IK: variants seen among roughly 807,000 people sequenced by gnomAD.
The protein encoded by IK is IK cytokine.
Under a neutral mutation model 90.9 loss-of-function variants are expected in IK, and 47 were observed. The ratio of observed to expected loss-of-function variants is 0.52; its 90% CI spans 0.41 to 0.66. The LOEUF (loss-of-function observed/expected upper bound fraction) is 0.66. Among genes scored for constraint, IK ranks in the 30% least tolerant of loss-of-function variants. IK has a pLI of 0.00. For synonymous variants in IK, 201 were observed against 227.5 expected, an observed-to-expected ratio of 0.88 and a Z score of 1.05; for missense variants, 385 against 709.3, an observed-to-expected ratio of 0.54 and a Z score of 5.19.
chr5:140,654,520 G>A lies in IK; in HGVS notation c.524G>A (p.Arg175Gln), dbSNP rs1377790128. Residue 175 changes from arginine to glutamine, a missense_variant, in exon 7 of 20, where the codon CGA (arginine) becomes CAA (glutamine). Around this residue, in one of 8 missense-constraint regions of IK, gnomAD observed 9 missense variants for 61.8 expected, o/e 0.15. Transcript: ENST00000417647. The part of the protein sequence containing the change: ...GLDFALLQKV[R>Q]AEIASKEKEE... ...CCCTGCTTGCTTTCCTGTTAGGTACGAGCTGAGATTGCCAGCAAAGAGAAA... is the reference window on the plus strand; with the variant it reads ...CCCTGCTTGCTTTCCTGTTAGGTACAAGCTGAGATTGCCAGCAAAGAGAAA... The A allele has an allele frequency of 2.5e-6, 4 of 1,585,608 alleles. No homozygotes were observed. Among genetic ancestry groups the A allele is most frequent in the Non-Finnish European group, 2.6e-6 (3 of 1,165,418 alleles).
chr5:140,651,787 T>C lies in IK; in HGVS notation c.157T>C (p.Ser53Pro). The change falls in exon 3 of 20, where the codon TCT (serine) becomes CCT (proline). Residue 53 changes from serine (S) to proline (P), a missense_variant. Coordinates refer to ENST00000417647, the MANE Select transcript of IK (RefSeq NM_006083.4). ...PRAAPTSAPPSKSRHHEMPRE... is the reference protein window; with the variant it reads ...PRAAPTSAPPPKSRHHEMPRE... The stretch of plus-strand genomic sequence containing the variant: ...GGCTGCACCTACCTCTGCACCACCT[T>C]CTAAGTCACGTCACCATGAGTAAGT... 6.2e-7 allele frequency: 1 copy of C among 1,608,162 alleles called. No individual in the cohort carries two copies.
chr5:140,648,141 C>G, intron 1 of IK: 1 of 715,372 alleles, frequency 1.4e-6, no homozygotes, highest in East Asian at 2.7e-5. Flanking sequence ...ACTCCTACTC[C>G]AAGTGATGAT....
At chr5:140,660,635 G>A in intron 15 of IK, 123 bp from the exon 16 acceptor site, 1 of 692,486 alleles carries the variant, frequency 1.4e-6, no homozygotes, top group East Asian at 2.6e-5. Context: ...ATTTTATTAG[G>A]CTCTAAGTGG....
In IK at chr5:140,654,062, G is replaced by A. The variant is rs1411174841; in HGVS notation, c.519+10G>A. ...TGCTCTGCTTCAAAAGGTGAGTCCT[G>A]GTGGTCAGGTGGGGAGTAATACTGT... On this transcript the variant is annotated intron_variant, in intron 6 of 19. Transcript: ENST00000417647. The A allele has an allele frequency of 6.8e-7, 1 of 1,478,152 alleles. No homozygotes were observed. Among genetic ancestry groups the A allele is most frequent in the East Asian group, 2.3e-5 (1 of 44,224 alleles). 91.6% of individuals were successfully genotyped at this position (1,478,152 alleles called of 1,614,324 possible).
chr5:140,660,895 A>G, intron 16 of IK, 80 bp downstream of exon 16: 3 of 1,107,288 alleles, frequency 2.7e-6, no homozygotes, highest in Non-Finnish European at 4.1e-6. Flanking sequence ...ACTCCTAAAA[A>G]ATCTATCTCA....
rs1757815920 is a variant in IK at position 140,662,362 on chromosome 5, A to T, written c.*33A>T. 6.2e-7 allele frequency: 1 copy of T among 1,609,100 alleles called. No individual in the cohort carries two copies. On this transcript the variant is annotated 3_prime_UTR_variant, in exon 20 of 20. Transcript: ENST00000417647. ...TTACAACCAGAGATGCTCCACAAGG[A>T]TATGCTCCCCACTGTTTTCTTTCTA... is the stretch of plus-strand genomic sequence containing the variant.
intron 3 of IK, 30 bp downstream of exon 3, chr5:140,651,836 C>A: frequency 7.3e-7 from 1 of 1,376,154 alleles, no homozygotes; most frequent in Non-Finnish European, 1.0e-6. Flanking sequence ...AACCTGTCTC[C>A]CAACTTGTTT....
intron 15 of IK, 168 bp from the exon 16 acceptor site, chr5:140,660,590 G>C (rs975197884): frequency 1.7e-6 from 1 of 583,836 alleles, no homozygotes; most frequent in Non-Finnish European, 3.1e-6. Flanking sequence ...GAGCCACTGC[G>C]CCTGGCCCAA....
At chr5:140,653,172 TC>T in intron 5 of IK, 28 bp downstream of exon 5, 1 of 1,590,526 alleles carries the variant, frequency 6.3e-7, no homozygotes, top group Non-Finnish European at 8.6e-7. Context: ...AGGGCATGGT[TC>T]CCTCAGCATC....
intron 3 of IK, 130 bp downstream of exon 3, chr5:140,651,936 C>G (rs1369359218): frequency 1.2e-6 from 1 of 809,144 alleles, no homozygotes; most frequent in African/African-American, 1.7e-5. Flanking sequence ...TGAGAACTGC[C>G]CACCTACAAA....
chr5:140,654,178 C>CT (rs1757667783), intron 6 of IK, 126 bp downstream of exon 6: 1 of 648,452 alleles, frequency 1.5e-6, no homozygotes, highest in East Asian at 2.7e-5. Flanking sequence ...AAGATGGCCC[C>CT]TCTGAAAAGC....
intron 2 of IK, 125 bp from the exon 3 acceptor site, chr5:140,651,587 AAC>A (rs1757617167): frequency 8.3e-6 from 5 of 605,232 alleles, no homozygotes; most frequent in South Asian, 4.2e-5. Context: ...AAAAAAAAAA[AAC>A]AGTGTCATAT....
At chr5:140,657,508 G>T (rs1757731572) in intron 9 of IK, 46 bp from the exon 10 acceptor site, 1 of 1,287,282 alleles carries the variant, frequency 7.8e-7, no homozygotes. Context: ...TAAATGAAGA[G>T]ATTTCTGCTG....
intron 6 of IK, 34 bp from the exon 7 acceptor site, chr5:140,654,482 A>T: frequency 6.6e-7 from 1 of 1,522,584 alleles, no homozygotes; most frequent in East Asian, 2.4e-5. Context: ...AATATATAAA[A>T]TGAGTGTCCT....
chr5:140,655,735 T>TA (rs1757698498), intron 8 of IK, 94 bp from the exon 9 acceptor site: 6 of 1,260,446 alleles, frequency 4.8e-6, no homozygotes, highest in Non-Finnish European at 5.6e-6. Context: ...AAAGCTTGCA[T>TA]AGCACTTGGC....
rs1757807908 is a variant in IK, at chr5:140,661,983, T to C, written c.1587T>C (p.Asp529=). Reference sequence around the variant, plus strand: ...AAACCAATGACAAAGCAGAGCTTGATCGCCAGTGGAAGAAGATTAGTGCAG... The same window carrying C: ...AAACCAATGACAAAGCAGAGCTTGACCGCCAGTGGAAGAAGATTAGTGCAG... The part of the protein sequence containing the change: ...FKETNDKAEL[D]RQWKKISAII... The change falls in exon 18 of 20, where the codon GAT becomes GAC. Residue 529 remains aspartate, a synonymous_variant. Coordinates refer to ENST00000417647, the MANE Select transcript of IK (RefSeq NM_006083.4). The surrounding 1 kb of genome is among the most constrained non-coding windows in gnomAD (Gnocchi z 4.2). 6.2e-7 allele frequency: 1 copy of C among 1,609,758 alleles called. No individual in the cohort carries two copies. The highest frequency in any genetic ancestry group is 1.3e-5 in the African/African-American group (1 of 74,946).
intron 9 of IK, among the ~76,000 whole-genome samples, chr5:140,656,530 T>G (rs923133346): frequency 8.4e-6 from 1 of 118,348 alleles, no homozygotes; most frequent in Non-Finnish European, 1.9e-5. Context: ...GCACTTCCAC[T>G]CTGGTTTCCG....
At chr5:140,657,449 A>G in intron 9 of IK, 105 bp from the exon 10 acceptor site, 1 of 769,740 alleles carries the variant, frequency 1.3e-6, no homozygotes, top group East Asian at 2.6e-5. Flanking sequence ...CCCTCCCTTC[A>G]CCTACTGTAT....
intron 1 of IK, 54 bp downstream of exon 1, chr5:140,647,978 G>T (rs375301523): frequency 6.3e-7 from 1 of 1,575,146 alleles, no homozygotes; most frequent in Non-Finnish European, 8.7e-7. Context: ...GGCACTTGGC[G>T]CATTATTGTA....
Sources: allele counts gnomAD v4.1 joint callset (sites outside exome capture counted in the v4.1 genomes callset), GRCh38; gene constraint gnomAD v4.1.1; regional missense constraint gnomAD v4.1.1; non-coding constraint Gnocchi (gnomAD v3.1); transcripts MANE v1.5; gene names NCBI Gene and HGNC (gene_info 2026-07-23, HGNC 2026-07-21).